The following NCAM1 variants were observed in gnomAD, a reference collection of about 807,000 sequenced individuals.
The protein encoded by NCAM1 is neural cell adhesion molecule 1, also known as antigen recognized by monoclonal antibody 5.1H11.
NCAM1 carries 14 observed loss-of-function variants against 109.8 expected under a neutral mutation model. The ratio of observed to expected loss-of-function variants is 0.13; its 90% CI spans 0.08 to 0.20. NCAM1 has a LOEUF of 0.20. NCAM1 is among the 10% of genes least tolerant of loss of function. The pLI is 1.00. For missense variants in NCAM1, 774 were observed against 1,109.9 expected (o/e 0.70, Z 4.30); for synonymous variants, 418 against 442.9 (o/e 0.94, Z 0.70).
chr11:113,094,535 A>G (rs1555089977), intron 1 of NCAM1, among the ~76,000 whole-genome samples: 1 of 152,002 alleles, frequency 6.6e-6, no homozygotes, highest in Non-Finnish European at 1.5e-5. Context: ...TTGCTCTTCC[A>G]CCCTCAATCC....
At chr11:113,141,822 T>G (rs2136203002) in intron 1 of NCAM1, among the ~76,000 whole-genome samples, 1 of 152,300 alleles carries the variant, frequency 6.6e-6, no homozygotes, top group East Asian at 1.9e-4. Flanking sequence ...TGTCTGCAAT[T>G]TTTTTGTCAT....
At chr11:113,068,949 A>C (rs1938120382) in intron 1 of NCAM1, among the ~76,000 whole-genome samples, 1 of 152,152 alleles carries the variant, frequency 6.6e-6, no homozygotes, top group Non-Finnish European at 1.5e-5. Flanking sequence ...GCTTGTGCTT[A>C]ATTTAGATGT....
intron 1 of NCAM1, among the ~76,000 whole-genome samples, chr11:113,021,233 C>A (rs1952375326): frequency 1.3e-5 from 2 of 152,178 alleles, no homozygotes; most frequent in South Asian, 4.1e-4. Flanking sequence ...TGAATCAGAT[C>A]ATCACTGCAA....
intron 15 of NCAM1, among the ~76,000 whole-genome samples, chr11:113,253,100 GC>G (rs1945735789): frequency 6.6e-6 from 1 of 151,904 alleles, no homozygotes. Context: ...GATTTTGATG[GC>G]TTTTCTCCGA....
chr11:113,012,611 G>A (rs142738384), intron 1 of NCAM1, among the ~76,000 whole-genome samples: 446 of 152,278 alleles, frequency 2.9e-3, no homozygotes, highest in African/African-American at 7.7e-3. Context: ...CCCACTTCCA[G>A]TAGTTGTTGG....
intron 14 of NCAM1, among the ~76,000 whole-genome samples, chr11:113,238,846 G>A (rs1945248123): frequency 6.6e-6 from 1 of 152,226 alleles, no homozygotes; most frequent in African/African-American, 2.4e-5. Flanking sequence ...CAAGCCCCAA[G>A]GAAGAGAAGG....
At chr11:113,214,253 G>C in intron 7 of NCAM1, 116 bp from the exon 8 acceptor site, 3 of 1,089,550 alleles carry the variant, frequency 2.8e-6, no homozygotes, top group Non-Finnish European at 3.9e-6. Flanking sequence ...AAAACACCTA[G>C]ACTAGGGTCT....
intron 1 of NCAM1, among the ~76,000 whole-genome samples, chr11:113,037,331 G>GTA (rs1249661546): frequency 6.6e-6 from 1 of 152,196 alleles, no homozygotes; most frequent in Non-Finnish European, 1.5e-5. Flanking sequence ...TTTGTGAGCT[G>GTA]TAATCCCTTT....
chr11:113,130,696 G>C (rs1941352758), intron 1 of NCAM1: 1 of 152,172 alleles, frequency 6.6e-6, no homozygotes, highest in Non-Finnish European at 1.5e-5. Flanking sequence ...TTGAAGACAG[G>C]AATGATAAAT....
At chr11:113,250,382 T>A (rs142848029) in intron 15 of NCAM1, among the ~76,000 whole-genome samples, 10 of 152,346 alleles carry the variant, frequency 6.6e-5, no homozygotes, top group Non-Finnish European at 1.0e-4. Context: ...AGTGGTCTAA[T>A]AACGCTAAAT....
intron 1 of NCAM1, among the ~76,000 whole-genome samples, chr11:113,178,871 C>T (rs191095393): frequency 6.6e-6 from 1 of 152,306 alleles, no homozygotes; most frequent in Admixed American, 6.5e-5. Context: ...GTCTCATTTG[C>T]ATCAGCTCAC....
In NCAM1 at chr11:113,181,433, C is replaced by T. The variant is rs192721352; in HGVS notation, c.53-20946C>T. On this transcript the variant is annotated intron_variant, in intron 1 of 19. Transcript: ENST00000316851. ...CTTAAGAAAGGGGTTTACCAAACAC[C>T]GCTTGTTCTACTTATAAGTGGGAGC... Among the ~76,000 whole-genome samples, 31 of 152,232 alleles carry T rather than the reference C, an allele frequency of 2.0e-4. No homozygotes were observed. In the East Asian group the frequency reaches 3.9e-3, roughly 19 times the overall value.
intron 1 of NCAM1, among the ~76,000 whole-genome samples, chr11:113,101,462 A>T (rs72995940): frequency 0.086 from 13,139 of 152,018 alleles, 746 homozygotes; most frequent in East Asian, 0.12. Context: ...CTCTTCTATG[A>T]TCTGTTCTAA....
intron 15 of NCAM1, among the ~76,000 whole-genome samples, chr11:113,251,754 T>C (rs1269291092): frequency 1.3e-5 from 2 of 152,030 alleles, no homozygotes; most frequent in Non-Finnish European, 2.9e-5. Flanking sequence ...ACAATAATGG[T>C]TTTACTGAAC....
At chr11:113,102,584 T>G (rs767449968) in intron 1 of NCAM1, among the ~76,000 whole-genome samples, 14 of 152,218 alleles carry the variant, frequency 9.2e-5, no homozygotes, top group Non-Finnish European at 2.1e-4. Context: ...CATATTGATA[T>G]GCCAGGTGGA....
intron 1 of NCAM1, among the ~76,000 whole-genome samples, chr11:113,163,475 G>GAGCT (rs1942672733): frequency 6.6e-6 from 1 of 152,166 alleles, no homozygotes; most frequent in Admixed American, 6.5e-5. Flanking sequence ...AGAGAGTTCA[G>GAGCT]AGCTAGGTCT....
intron 1 of NCAM1, among the ~76,000 whole-genome samples, chr11:113,049,615 A>C (rs1055600669): frequency 6.6e-6 from 1 of 152,194 alleles, no homozygotes; most frequent in African/African-American, 2.4e-5. Context: ...GCTGAAGGTG[A>C]ACTTAGTTTC....
chr11:113,197,668 C>A (rs1311900969), intron 1 of NCAM1, among the ~76,000 whole-genome samples: 1 of 152,132 alleles, frequency 6.6e-6, no homozygotes, highest in African/African-American at 2.4e-5. Flanking sequence ...AACATCTTGA[C>A]AAGGAAGTAT....
At chr11:113,232,623 T>C in intron 11 of NCAM1, 95 bp from the exon 12 acceptor site, 3 of 1,048,812 alleles carry the variant, frequency 2.9e-6, no homozygotes, top group Non-Finnish European at 4.4e-6. Flanking sequence ...ACTTTACTAG[T>C]TCTGTTTTTT....
Sources: gnomAD v4.1 joint callset for allele counts (sites outside exome capture counted in the v4.1 genomes callset) on GRCh38, gnomAD v4.1.1 for gene constraint, MANE v1.5 for transcripts, NCBI Gene and HGNC (gene_info 2026-07-23, HGNC 2026-07-21) for gene names.